NT5DC3: variants seen among roughly 807,000 people sequenced by gnomAD.
NT5DC3 encodes 5'-nucleotidase domain containing 3, also known as 5'-nucleotidase domain-containing protein 3.
NT5DC3 carries 42 observed loss-of-function variants against 67.8 expected under a neutral mutation model. That is an observed-to-expected ratio of 0.62 (90% CI 0.48 to 0.80). The LOEUF (loss-of-function observed/expected upper bound fraction) is 0.80, where lower values mean the gene tolerates loss of function less well. Among genes scored for constraint, NT5DC3 ranks in the 30% least tolerant of loss-of-function variants. The pLI, the probability that NT5DC3 is intolerant of heterozygous loss-of-function variation, is 0.00. For synonymous variants in NT5DC3, 237 were observed against 255.6 expected, an observed-to-expected ratio of 0.93 and a Z score of 0.69; for missense variants, 570 against 696.4, an observed-to-expected ratio of 0.82 and a Z score of 2.04.
chr12:103,818,625 C>A (rs888775590), intron 1 of NT5DC3, among the ~76,000 whole-genome samples: 7 of 152,200 alleles, frequency 4.6e-5, no homozygotes, highest in African/African-American at 1.7e-4. Context: ...ATCCGCCTGC[C>A]TCCATCTCCC....
At chr12:103,759,526 C>T in the NT5DC3 span, among the ~76,000 whole-genome samples, 120 of 152,262 alleles carry the variant, frequency 7.9e-4, no homozygotes, top group African/African-American at 2.8e-3. Context: ...GCTGATTCTC[C>T]GCCTTCATTT....
At chr12:103,747,753 G>A in the NT5DC3 span, among the ~76,000 whole-genome samples, 1 of 152,146 alleles carries the variant, frequency 6.6e-6, no homozygotes, top group African/African-American at 2.4e-5. Context: ...CTAGCACTTT[G>A]GGAGGCCGGG....
intron 9 of NT5DC3, among the ~76,000 whole-genome samples, chr12:103,791,734 A>C (rs892563919): frequency 8.5e-5 from 13 of 152,294 alleles, no homozygotes; most frequent in African/African-American, 3.1e-4. Flanking sequence ...TGGGTGAGAG[A>C]GCATTACCGC....
chr12:103,826,813 C>T (rs1887715886), intron 1 of NT5DC3, among the ~76,000 whole-genome samples: 1 of 152,220 alleles, frequency 6.6e-6, no homozygotes, highest in Admixed American at 6.5e-5. Context: ...TCTATTAATC[C>T]AGACACCACA....
intron 4 of NT5DC3, chr12:103,802,035 CGTGA>C (rs1381925134): frequency 5.3e-5 from 8 of 152,232 alleles, no homozygotes; most frequent in African/African-American, 1.9e-4. Context: ...ACCCAGGAAG[CGTGA>C]GTGACTCGAG....
At chr12:103,830,047 T>C (rs1853425895) in intron 1 of NT5DC3, among the ~76,000 whole-genome samples, 1 of 152,232 alleles carries the variant, frequency 6.6e-6, no homozygotes, top group African/African-American at 2.4e-5. Context: ...TTTGTAGTAA[T>C]AATACTATCA....
In NT5DC3 at chr12:103,789,188, C is replaced by A. The variant is rs182263792; in HGVS notation, c.1020-269G>T. On this transcript the variant is annotated intron_variant, in intron 9 of 13. Transcript: ENST00000392876. ...CTTGTAAGCCCAGCACTTTGGGAAG[C>A]CAAGGCAGGTGAATCACCTGAGGTC... The A allele has an allele frequency of 5.1e-3, 1,876 of 370,142 alleles. 10 individuals are homozygous for A. The highest frequency in any genetic ancestry group is 0.018 in the Middle Eastern group (24 of 1,342). 22.9% of individuals were successfully genotyped at this position (370,142 alleles called of 1,614,324 possible).
At chr12:103,746,949 CTTTTTT>C in the NT5DC3 span, among the ~76,000 whole-genome samples, 23 of 96,084 alleles carry the variant, frequency 2.4e-4, no homozygotes, top group Admixed American at 7.3e-4. Context: ...GTTTTTCTTT[CTTTTTT>C]TTTTTTTTTT....
At chr12:103,828,870 C>T (rs983540732) in intron 1 of NT5DC3, among the ~76,000 whole-genome samples, 2 of 151,674 alleles carry the variant, frequency 1.3e-5, no homozygotes, top group Admixed American at 6.6e-5. Context: ...AGTTAATTTT[C>T]GTATTTTTAG....
chr12:103,794,978 G>A (rs1886250020), intron 6 of NT5DC3, among the ~76,000 whole-genome samples: 1 of 152,206 alleles, frequency 6.6e-6, no homozygotes, highest in African/African-American at 2.4e-5. Flanking sequence ...AAACTTTCTA[G>A]AGCCAGTAGC....
the NT5DC3 span, among the ~76,000 whole-genome samples, chr12:103,756,894 C>G: frequency 6.6e-6 from 1 of 151,558 alleles, no homozygotes; most frequent in East Asian, 1.9e-4. Flanking sequence ...TGTGTGGGAG[C>G]CTGGCTTACA....
rs1886183604 is a variant in NT5DC3, at chr12:103,793,923, T to G, written c.814+14A>C. On this transcript the variant is annotated intron_variant, in intron 7 of 13. Coordinates refer to ENST00000392876, the MANE Select transcript of NT5DC3 (RefSeq NM_001031701.3). Reference sequence around the variant, plus strand: ...AAGGCTGAAACTCTCTTCGTGATACTGCTGAGCACATACCAATGTCTGCTT... The same window carrying G: ...AAGGCTGAAACTCTCTTCGTGATACGGCTGAGCACATACCAATGTCTGCTT... 1 of 1,601,142 alleles carries G rather than the reference T, an allele frequency of 6.2e-7. No homozygotes were observed. The highest frequency in any genetic ancestry group is 1.3e-5 in the African/African-American group (1 of 74,614).
downstream of NT5DC3, chr12:103,766,902 C>T (rs1211793331): frequency 6.5e-6 from 1 of 153,758 alleles, no homozygotes; most frequent in Non-Finnish European, 1.4e-5. Flanking sequence ...CACTTCACAC[C>T]CACGAGGATG....
intron 1 of NT5DC3, among the ~76,000 whole-genome samples, chr12:103,829,002 C>G (rs1248956015): frequency 6.6e-6 from 1 of 152,150 alleles, no homozygotes; most frequent in Non-Finnish European, 1.5e-5. Flanking sequence ...CCCGGCCTCT[C>G]CTGCATTTCT....
intron 2 of NT5DC3, among the ~76,000 whole-genome samples, chr12:103,807,508 C>A (rs1375567922): frequency 6.6e-6 from 1 of 152,202 alleles, no homozygotes; most frequent in Non-Finnish European, 1.5e-5. Flanking sequence ...GCTTTCATTG[C>A]TTCTCTCATC....
chr12:103,767,012 A>AAAC (rs1356748560), downstream of NT5DC3: 2 of 152,332 alleles, frequency 1.3e-5, no homozygotes, highest in African/African-American at 4.8e-5. Flanking sequence ...CCACTGTAGA[A>AAAC]AACAGTTTGG....
intron 11 of NT5DC3, chr12:103,785,850 CTG>C (rs138276392): frequency 0.029 from 12,192 of 414,880 alleles, 250 homozygotes; most frequent in South Asian, 0.039. Context: ...ATCCACAGAC[CTG>C]TGTGTGCCAG....
At chr12:103,836,053 G>T (rs985100920) in intron 1 of NT5DC3, among the ~76,000 whole-genome samples, 1 of 152,112 alleles carries the variant, frequency 6.6e-6, no homozygotes, top group Non-Finnish European at 1.5e-5. Context: ...AATAGCATGG[G>T]AAAGACCAGC....
At chr12:103,826,239 A>G (rs1344380200) in intron 1 of NT5DC3, among the ~76,000 whole-genome samples, 1 of 152,240 alleles carries the variant, frequency 6.6e-6, no homozygotes, top group Non-Finnish European at 1.5e-5. Flanking sequence ...CAGACAGAAT[A>G]ATGGCTCTCC....
Sources: allele counts gnomAD v4.1 joint callset (sites outside exome capture counted in the v4.1 genomes callset), GRCh38; gene constraint gnomAD v4.1.1; transcripts MANE v1.5; gene names NCBI Gene and HGNC (gene_info 2026-07-23, HGNC 2026-07-21).